Variants in SIMC1 observed in about 807,000 individuals in gnomAD.
The protein encoded by SIMC1 is SUMO interacting motifs containing 1.
A neutral mutation model predicts 82.3 loss-of-function variants in SIMC1; 55 were observed. The ratio of observed to expected loss-of-function variants is 0.67; its 90% confidence interval spans 0.54 to 0.84. The LOEUF (loss-of-function observed/expected upper bound fraction) is 0.84. Among genes scored for constraint, SIMC1 ranks in the 40% least tolerant of loss-of-function variants. SIMC1 has a pLI of 0.00. For synonymous variants in SIMC1, 353 were observed against 426.3 expected, an observed-to-expected ratio of 0.83 and a Z score of 2.12; for missense variants, 915 against 1,107.2, an observed-to-expected ratio of 0.83 and a Z score of 2.46.
At chr5:176,334,658 C>T (rs762119266) in intron 7 of SIMC1, among the ~76,000 whole-genome samples, 6 of 152,228 alleles carry the variant, frequency 3.9e-5, no homozygotes, top group African/African-American at 9.6e-5. Flanking sequence ...CTGTCCTAAA[C>T]TCCAGCCTCT....
intron 4 of SIMC1, among the ~76,000 whole-genome samples, chr5:176,297,446 G>A (rs1383655093): frequency 6.3e-5 from 9 of 143,424 alleles, no homozygotes; most frequent in Non-Finnish European, 1.1e-4. Context: ...AGGTTGCAGT[G>A]AGCCCAGATC....
At chr5:176,277,160 T>A (rs1762744640) in intron 1 of SIMC1, among the ~76,000 whole-genome samples, 1 of 151,996 alleles carries the variant, frequency 6.6e-6, no homozygotes, top group East Asian at 1.9e-4. Flanking sequence ...TTAGATGGTA[T>A]CTCATTGTGG....
Position 176,290,390 on chromosome 5 carries a change from T to C in SIMC1, c.866T>C (p.Val289Ala). Residue 289 changes from valine to alanine, a missense_variant, in exon 2 of 10, where the codon GTG becomes GCG. Around this residue, in one of 2 missense-constraint regions of SIMC1, gnomAD observed 902 missense variants for 1,040.3 expected, o/e 0.87. Transcript: ENST00000429602. The stretch of plus-strand genomic sequence containing the variant: ...GACTCTCTGGGCCTACCTCAAGATG[T>C]GCCAGGGCTGCCTCAAAGCATATTA... ...PQDSLGLPQD[V>A]PGLPQSILHP... 1.2e-6 allele frequency: 2 copies of C among 1,613,994 alleles called. No individual in the cohort carries two copies. The highest frequency in any genetic ancestry group is 8.5e-7 in the Non-Finnish European group (1 of 1,179,874).
intron 1 of SIMC1, among the ~76,000 whole-genome samples, chr5:176,252,774 G>A (rs1581218883): frequency 1.3e-5 from 2 of 152,232 alleles, no homozygotes; most frequent in Non-Finnish European, 2.9e-5. Context: ...GGCACTTTGG[G>A]GGGCCAAGGC....
At chr5:176,305,545 C>T (rs1417354105) in intron 4 of SIMC1, among the ~76,000 whole-genome samples, 9 of 141,276 alleles carry the variant, frequency 6.4e-5, no homozygotes, top group East Asian at 2.2e-4. Flanking sequence ...GGGTCAGCCC[C>T]CCGCCTGGCC....
chr5:176,270,212 C>A (rs1233734594), intron 1 of SIMC1: 1 of 151,644 alleles, frequency 6.6e-6, no homozygotes, highest in Non-Finnish European at 1.5e-5. Flanking sequence ...ATTAGTAGAA[C>A]AAAAAATCAT....
chr5:176,262,347 A>G (rs1258159421), intron 1 of SIMC1, among the ~76,000 whole-genome samples: 1 of 151,994 alleles, frequency 6.6e-6, no homozygotes, highest in Non-Finnish European at 1.5e-5. Context: ...AACTTCAGAA[A>G]GAACATCTAC....
intron 6 of SIMC1, among the ~76,000 whole-genome samples, chr5:176,324,142 C>T (rs1025376421): frequency 6.6e-6 from 1 of 152,114 alleles, no homozygotes; most frequent in Non-Finnish European, 1.5e-5. Context: ...CAGGTTCCAC[C>T]AGGGGAGGTT....
In SIMC1 at chr5:176,290,151, G is replaced by C; in HGVS notation, c.627G>C (p.Gln209His). ...SNQKAPLPCP[Q>H]QDVSRPPQAL... is the part of the protein sequence containing the mutation. ...AAAAAGCACCCTTGCCATGCCCACA[G>C]CAAGATGTATCTCGCCCACCACAGG... Residue 209 changes from glutamine (Q) to histidine (H), a missense_variant, in exon 2 of 10, where the codon CAG becomes CAC. Physicochemically the swap from Gln to His is conservative, Grantham distance 24 (BLOSUM62 0). Around this residue, in one of 2 missense-constraint regions of SIMC1, gnomAD observed 902 missense variants for 1,040.3 expected, o/e 0.87. Transcript: ENST00000429602. The C allele has an allele frequency of 6.2e-7, 1 of 1,609,010 alleles. No individual in the cohort carries two copies. Among genetic ancestry groups the C allele is most frequent in the Non-Finnish European group, 8.5e-7 (1 of 1,177,658 alleles).
At chr5:176,284,042 G>T (rs373463391) in intron 1 of SIMC1, among the ~76,000 whole-genome samples, 3 of 152,168 alleles carry the variant, frequency 2.0e-5, no homozygotes, top group African/African-American at 7.2e-5. Flanking sequence ...TTAGAGACCT[G>T]CAAAGAGACT....
intron 9 of SIMC1, among the ~76,000 whole-genome samples, chr5:176,339,655 G>A (rs1366401264): frequency 7.9e-5 from 12 of 152,144 alleles, no homozygotes; most frequent in Admixed American, 7.2e-4. Flanking sequence ...AGGTGGAAAC[G>A]GAATCTACTT....
At chr5:176,330,412 A>C (rs2113391235) in intron 7 of SIMC1, among the ~76,000 whole-genome samples, 1 of 151,994 alleles carries the variant, frequency 6.6e-6, no homozygotes, top group East Asian at 1.9e-4. Context: ...AAAAAAAAAA[A>C]AAAAGGGAAC....
Position 176,290,184 on chromosome 5 carries a change from G to GTGCCCCCTGCGACCTTTGCCA in SIMC1, c.666_686dup (p.Leu223_Pro229dup). ...TATCTCGCCCACCACAGGCCTTGCC[G>GTGCCCCCTGCGACCTTTGCCA]TGCCCCCTGCGACCTTTGCCATGCC... On this transcript the variant is annotated inframe_insertion, in exon 2 of 10. Coordinates refer to ENST00000429602, the MANE Select transcript of SIMC1 (RefSeq NM_001308195.2). The GTGCCCCCTGCGACCTTTGCCA allele has an allele frequency of 1.9e-6, 3 of 1,611,484 alleles. No homozygotes were observed. The highest frequency in any genetic ancestry group is 2.5e-6 in the Non-Finnish European group (3 of 1,178,788).
intron 6 of SIMC1, among the ~76,000 whole-genome samples, chr5:176,323,429 C>A (rs1279378100): frequency 6.6e-6 from 1 of 152,156 alleles, no homozygotes. Flanking sequence ...ATGATCTTAA[C>A]AACAATAGTA....
At chr5:176,322,036 T>G (rs1254962248) in intron 5 of SIMC1, among the ~76,000 whole-genome samples, 1 of 152,006 alleles carries the variant, frequency 6.6e-6, no homozygotes, top group East Asian at 1.9e-4. Context: ...TTTAGTTGAC[T>G]TTTACAGCCT....
intron 4 of SIMC1, among the ~76,000 whole-genome samples, chr5:176,304,836 C>T (rs1482470921): frequency 6.7e-6 from 1 of 150,312 alleles, no homozygotes; most frequent in Non-Finnish European, 1.5e-5. Flanking sequence ...CTCTGCCCCG[C>T]CGCCCCATCT....
At chr5:176,308,571 T>C in intron 4 of SIMC1, 3 of 1,591,538 alleles carry the variant, frequency 1.9e-6, no homozygotes, top group Non-Finnish European at 2.6e-6. Flanking sequence ...CCGGGTACTC[T>C]ACACTTGCTT....
intron 1 of SIMC1, among the ~76,000 whole-genome samples, chr5:176,247,956 G>A (rs867676068): frequency 1.2e-4 from 18 of 151,592 alleles, no homozygotes; most frequent in Non-Finnish European, 2.4e-4. Context: ...GTTCTGTTCC[G>A]TTGGTCTATA....
intron 1 of SIMC1, among the ~76,000 whole-genome samples, chr5:176,286,055 A>G (rs1326312024): frequency 6.6e-6 from 1 of 152,258 alleles, no homozygotes; most frequent in Admixed American, 6.5e-5. Context: ...AAATGGCCAT[A>G]CTGCCCAAGG....
Sources: gnomAD v4.1 joint callset for allele counts (sites outside exome capture counted in the v4.1 genomes callset) on GRCh38, gnomAD v4.1.1 for gene constraint, gnomAD v4.1.1 regional missense constraint, MANE v1.5 for transcripts, NCBI Gene and HGNC (gene_info 2026-07-23, HGNC 2026-07-21) for gene names.